Variants in ZBTB20 observed in about 807,000 individuals in gnomAD.
ZBTB20 encodes the protein zinc finger and BTB domain-containing protein 20.
Under a neutral mutation model 56.9 loss-of-function variants are expected in ZBTB20, and 9 were observed. The observed-to-expected ratio is 0.16, with a 90% CI of 0.10 to 0.28. The LOEUF is 0.28. Among genes scored for constraint, ZBTB20 ranks in the 10% least tolerant of loss-of-function variants. The pLI is 1.00. For missense variants in ZBTB20, 655 were observed against 1,003.0 expected (o/e 0.65, Z 4.69); for synonymous variants, 417 against 420.7 (o/e 0.99, Z 0.11).
intron 7 of ZBTB20, among the ~76,000 whole-genome samples, chr3:114,418,067 A>G (rs959452335): frequency 1.3e-5 from 2 of 152,100 alleles, no homozygotes; most frequent in Non-Finnish European, 2.9e-5. Flanking sequence ...GATTCTCAGT[A>G]TAGATTCTGA....
At chr3:114,440,169 C>T (rs952304481) in intron 7 of ZBTB20, among the ~76,000 whole-genome samples, 1 of 151,876 alleles carries the variant, frequency 6.6e-6, no homozygotes, top group Non-Finnish European at 1.5e-5. Context: ...ATTTTAAAAC[C>T]ATTCTCCCCT....
At chr3:114,347,348 T>C (rs1364961727) in intron 11 of ZBTB20, among the ~76,000 whole-genome samples, 4 of 152,188 alleles carry the variant, frequency 2.6e-5, no homozygotes, top group African/African-American at 9.7e-5. Flanking sequence ...AATTTCTTTT[T>C]AACTTTGTCA....
intron 2 of ZBTB20, among the ~76,000 whole-genome samples, chr3:115,028,483 T>C (rs2080520016): frequency 1.3e-5 from 2 of 150,792 alleles, no homozygotes; most frequent in Admixed American, 6.6e-5. Context: ...TTATTAAAAT[T>C]AACTTCATCT....
chr3:114,712,521 C>T (rs1015397361), intron 5 of ZBTB20, among the ~76,000 whole-genome samples: 5 of 151,706 alleles, frequency 3.3e-5, no homozygotes, highest in South Asian at 2.1e-4. Context: ...GGTGTGGTGG[C>T]GCATGCCTGT....
chr3:115,082,291 G>A (rs1228212034), intron 1 of ZBTB20, among the ~76,000 whole-genome samples: 1 of 152,128 alleles, frequency 6.6e-6, no homozygotes, highest in Non-Finnish European at 1.5e-5. Flanking sequence ...TTCCTAATCA[G>A]AGCATTCATT....
At chr3:114,785,614 G>T (rs977417525) in intron 5 of ZBTB20, among the ~76,000 whole-genome samples, 1 of 152,014 alleles carries the variant, frequency 6.6e-6, no homozygotes, top group African/African-American at 2.4e-5. Context: ...TTTTGGAGTA[G>T]TTTTCAGTAT....
chr3:114,804,747 T>C (rs2071976045), intron 4 of ZBTB20, among the ~76,000 whole-genome samples: 1 of 151,912 alleles, frequency 6.6e-6, no homozygotes, highest in Admixed American at 6.6e-5. Flanking sequence ...TACTTTCACC[T>C]ACTTTTTCTT....
intron 6 of ZBTB20, among the ~76,000 whole-genome samples, chr3:114,567,497 G>T (rs1476797298): frequency 6.6e-6 from 1 of 152,082 alleles, no homozygotes; most frequent in Non-Finnish European, 1.5e-5. Flanking sequence ...ATTACTGCTG[G>T]TTGGAGGGCT....
At chr3:114,465,378 A>T (rs2092501287) in intron 7 of ZBTB20, among the ~76,000 whole-genome samples, 1 of 152,208 alleles carries the variant, frequency 6.6e-6, no homozygotes, top group Non-Finnish European at 1.5e-5. Context: ...AAAGTCTGAA[A>T]TCTAATTTGT....
chr3:114,998,131 T>C (rs543583204), intron 2 of ZBTB20, among the ~76,000 whole-genome samples: 7 of 151,850 alleles, frequency 4.6e-5, no homozygotes, highest in South Asian at 4.2e-4. Flanking sequence ...TTAGTATAGA[T>C]AGGTCAAATT....
intron 6 of ZBTB20, among the ~76,000 whole-genome samples, chr3:114,678,385 A>G (rs1453232256): frequency 6.6e-6 from 1 of 152,212 alleles, no homozygotes; most frequent in Non-Finnish European, 1.5e-5. Context: ...TATTAAGGAG[A>G]GAGAAAATTT....
chr3:114,748,331 TTTC>T (rs774523960), intron 5 of ZBTB20, among the ~76,000 whole-genome samples: 4,396 of 125,874 alleles, frequency 0.035, 122 homozygotes, highest in African/African-American at 0.071. Flanking sequence ...TCTTTCTTTC[TTTC>T]TTCTTTCTTT....
chr3:115,076,800 T>G (rs569686360), intron 1 of ZBTB20, among the ~76,000 whole-genome samples: 7 of 152,358 alleles, frequency 4.6e-5, no homozygotes, highest in African/African-American at 1.7e-4. Context: ...CCAACCTTTC[T>G]GGCACCAGGA....
intron 2 of ZBTB20, among the ~76,000 whole-genome samples, chr3:115,052,910 TA>T (rs2081607081): frequency 6.6e-6 from 1 of 152,230 alleles, no homozygotes; most frequent in Admixed American, 6.5e-5. Context: ...TTTCATTCTT[TA>T]ATTGAATTTT....
At chr3:114,766,965 C>T (rs1223704372) in intron 5 of ZBTB20, among the ~76,000 whole-genome samples, 3 of 152,046 alleles carry the variant, frequency 2.0e-5, no homozygotes, top group African/African-American at 4.8e-5. Context: ...GCTATTCCCT[C>T]TTTATGGTAA....
intron 4 of ZBTB20, among the ~76,000 whole-genome samples, chr3:114,804,778 C>T (rs2071978720): frequency 6.6e-6 from 1 of 151,852 alleles, no homozygotes; most frequent in Admixed American, 6.6e-5. Flanking sequence ...ATCTGAAAGA[C>T]AATCCCAGAT....
At chr3:114,787,331 TTA>T (rs138181405) in intron 5 of ZBTB20, among the ~76,000 whole-genome samples, 4,020 of 100,326 alleles carry the variant, frequency 0.04, 157 homozygotes, top group African/African-American at 0.082. Context: ...TCTTAAAAGG[TTA>T]TATATATATA....
chr3:114,657,368 T>G (rs761133831), intron 6 of ZBTB20, among the ~76,000 whole-genome samples: 6 of 152,210 alleles, frequency 3.9e-5, no homozygotes, highest in Non-Finnish European at 8.8e-5. Context: ...TACCAAACCC[T>G]TCTAACTTTG....
intron 1 of ZBTB20, among the ~76,000 whole-genome samples, chr3:115,074,759 A>G (rs1402432897): frequency 6.6e-6 from 1 of 152,164 alleles, no homozygotes; most frequent in Admixed American, 6.5e-5. Context: ...AGGGAGGTAG[A>G]ATCCTAACAG....
Sources: gnomAD v4.1 joint callset for allele counts (sites outside exome capture counted in the v4.1 genomes callset) on GRCh38, gnomAD v4.1.1 for gene constraint, MANE v1.5 for transcripts, NCBI Gene and HGNC (gene_info 2026-07-23, HGNC 2026-07-21) for gene names.